KIAA1328: variants seen among roughly 807,000 people sequenced by gnomAD.
The protein encoded by KIAA1328 is protein hinderin.
KIAA1328 carries 52 observed loss-of-function variants against 68.1 expected under a neutral mutation model. The observed-to-expected ratio is 0.76, with a 90% CI of 0.61 to 0.96. The LOEUF is 0.96. Ranked by LOEUF, KIAA1328 falls within the 40% of genes least tolerant of loss-of-function variation. The probability of loss-of-function intolerance (pLI) is 0.00; values close to 1 mark genes in which losing one functional copy is unlikely to be tolerated. For missense variants in KIAA1328, 641 were observed against 677.6 expected (o/e 0.95, Z 0.60); for synonymous variants, 232 against 239.4 (o/e 0.97, Z 0.28).
At position 37,112,090 on chromosome 18, in the gene KIAA1328, C is replaced by T. The variant is rs139770502; in HGVS notation, c.1232+44545C>T. On this transcript the variant is annotated intron_variant, in intron 7 of 9. Transcript: ENST00000280020. ...TGCCTGCCTCTGTAGACTCCACCTC[C>T]GGGGGCAAGGCATAGCTGAACAAAA... is the stretch of plus-strand genomic sequence containing the variant. Among the ~76,000 whole-genome samples, 1,226 of 152,180 alleles carry T rather than the reference C, an allele frequency of 8.1e-3. 37 individuals carry two copies. The East Asian group carries it at 0.083, about 10-fold the overall frequency.
chr18:36,897,989 A>G (rs1400628710), intron 5 of KIAA1328, among the ~76,000 whole-genome samples: 2 of 152,072 alleles, frequency 1.3e-5, no homozygotes, highest in Non-Finnish European at 2.9e-5. Flanking sequence ...ATGAAATAAG[A>G]AGCCAATAGT....
chr18:36,908,876 A>G (rs959306915), intron 5 of KIAA1328, among the ~76,000 whole-genome samples: 13 of 152,178 alleles, frequency 8.5e-5, no homozygotes, highest in African/African-American at 3.1e-4. Flanking sequence ...TATGAAATGA[A>G]CATTATTTAT....
At chr18:37,026,650 A>C (rs2054594441) in intron 6 of KIAA1328, among the ~76,000 whole-genome samples, 1 of 152,234 alleles carries the variant, frequency 6.6e-6, no homozygotes, top group African/African-American at 2.4e-5. Context: ...AGATGCAGAA[A>C]AGGCCTTTGA....
chr18:37,052,221 T>G (rs1424457516), intron 6 of KIAA1328, among the ~76,000 whole-genome samples: 1 of 152,068 alleles, frequency 6.6e-6, no homozygotes, highest in Non-Finnish European at 1.5e-5. Context: ...TGTGATTCAC[T>G]CCATAAACAG....
chr18:37,113,281 G>C (rs2151908819), intron 7 of KIAA1328, among the ~76,000 whole-genome samples: 1 of 152,230 alleles, frequency 6.6e-6, no homozygotes, highest in Non-Finnish European at 1.5e-5. Flanking sequence ...AATCATAAAG[G>C]GAAGCCCATC....
intron 9 of KIAA1328, among the ~76,000 whole-genome samples, chr18:37,185,912 GT>G (rs781284979): frequency 9.2e-5 from 14 of 151,488 alleles, no homozygotes; most frequent in Non-Finnish European, 1.6e-4. Flanking sequence ...CCGTTTATGA[GT>G]TTAACCATAA....
chr18:36,965,545 A>G (rs1354693308), intron 6 of KIAA1328, among the ~76,000 whole-genome samples: 4 of 144,090 alleles, frequency 2.8e-5, no homozygotes, highest in African/African-American at 1.0e-4. Context: ...TAATTTTTGT[A>G]TTTTTAGTAG....
chr18:36,848,713 A>G (rs2047116549), intron 4 of KIAA1328, among the ~76,000 whole-genome samples: 1 of 151,198 alleles, frequency 6.6e-6, no homozygotes, highest in African/African-American at 2.4e-5. Flanking sequence ...TCTTTATCAA[A>G]TTGAGAAAAT....
At chr18:36,867,064 T>G (rs1050711094) in intron 4 of KIAA1328, among the ~76,000 whole-genome samples, 10 of 152,190 alleles carry the variant, frequency 6.6e-5, no homozygotes, top group Admixed American at 2.6e-4. Flanking sequence ...AGTTTGGATA[T>G]TTGTCCCTTC....
intron 7 of KIAA1328, chr18:37,075,234 G>C (rs542106682): frequency 6.6e-6 from 1 of 151,898 alleles, no homozygotes; most frequent in Non-Finnish European, 1.5e-5. Context: ...GCCAAACTAA[G>C]CTTCATAAGT....
chr18:36,870,333 A>G (rs2150926260), intron 4 of KIAA1328, among the ~76,000 whole-genome samples: 1 of 152,310 alleles, frequency 6.6e-6, no homozygotes, highest in Middle Eastern at 3.4e-3. Flanking sequence ...AATCTAAGAT[A>G]CTGGTATACC....
At chr18:37,225,372 C>T, downstream of KIAA1328, 2 of 929,554 alleles carry the variant, frequency 2.2e-6, no homozygotes, top group Non-Finnish European at 2.6e-6. Context: ...GAACATCCCT[C>T]ATCAGATCAG....
intron 5 of KIAA1328, among the ~76,000 whole-genome samples, chr18:36,916,688 ATAAG>A (rs2049715267): frequency 6.6e-6 from 1 of 152,220 alleles, no homozygotes; most frequent in Non-Finnish European, 1.5e-5. Flanking sequence ...CATCGTACAG[ATAAG>A]TAAGGAGGCA....
At chr18:36,958,778 G>T (rs1251507350) in intron 5 of KIAA1328, among the ~76,000 whole-genome samples, 1 of 151,702 alleles carries the variant, frequency 6.6e-6, no homozygotes, top group Admixed American at 6.6e-5. Context: ...CTCATTCAGG[G>T]GGTTGTTTTT....
intron 5 of KIAA1328, among the ~76,000 whole-genome samples, chr18:36,938,787 C>T (rs1229087771): frequency 6.6e-6 from 1 of 152,122 alleles, no homozygotes; most frequent in Non-Finnish European, 1.5e-5. Flanking sequence ...GGTCTAGTGT[C>T]ATTCTTCTGC....
At chr18:36,905,740 A>G (rs117035281) in intron 5 of KIAA1328, among the ~76,000 whole-genome samples, 1,970 of 152,280 alleles carry the variant, frequency 0.013, 27 homozygotes, top group Non-Finnish European at 0.02. Context: ...TTATTGGGCA[A>G]CATCTCATAG....
intron 4 of KIAA1328, among the ~76,000 whole-genome samples, chr18:36,884,839 C>G (rs2048444435): frequency 6.6e-6 from 1 of 152,062 alleles, no homozygotes; most frequent in Non-Finnish European, 1.5e-5. Context: ...TGGTGTTGTT[C>G]ATGTTTGTTT....
At position 37,067,032 on chromosome 18, in the gene KIAA1328, T is replaced by C. The variant is rs777865618; in HGVS notation, c.719T>C (p.Ile240Thr). ...CAGGATTCAGCTTCAGAATCCCTTA[T>C]AGCATTTAGGAATAATTCTTTGAAA... is the stretch of plus-strand genomic sequence containing the variant. ...AVQDSASESL[I>T]AFRNNSLKPV... Residue 240 changes from isoleucine to threonine, a missense_variant, in exon 7 of 10, where the codon ATA becomes ACA. Ile to Thr is a moderately conservative substitution (Grantham distance 89). Transcript: ENST00000280020. 1 of 1,613,950 alleles carries C rather than the reference T, an allele frequency of 6.2e-7. No individual in the cohort carries two copies. The highest frequency in any genetic ancestry group is 1.1e-5 in the South Asian group (1 of 91,076).
At chr18:37,215,392 A>G (rs1254566878) in intron 9 of KIAA1328, among the ~76,000 whole-genome samples, 2 of 152,214 alleles carry the variant, frequency 1.3e-5, no homozygotes, top group Admixed American at 1.3e-4. Flanking sequence ...CATTGTCTGC[A>G]TCTATTGAGA....
Sources: gnomAD v4.1 joint callset for allele counts (sites outside exome capture counted in the v4.1 genomes callset) on GRCh38, gnomAD v4.1.1 for gene constraint, MANE v1.5 for transcripts, NCBI Gene and HGNC (gene_info 2026-07-23, HGNC 2026-07-21) for gene names.